Variants in CYP4X1 observed in about 807,000 individuals in gnomAD.
The protein encoded by CYP4X1 is cytochrome P450 family 4 subfamily X member 1.
A neutral mutation model predicts 57.9 loss-of-function variants in CYP4X1; 44 were observed. The ratio of observed to expected loss-of-function variants is 0.76; its 90% confidence interval spans 0.60 to 0.98. The LOEUF (loss-of-function observed/expected upper bound fraction) is 0.98. Ranked by LOEUF, CYP4X1 falls within the 50% of genes least tolerant of loss-of-function variation. The pLI is 0.00. For synonymous variants in CYP4X1, 227 were observed against 228.6 expected, an observed-to-expected ratio of 0.99 and a Z score of 0.06; for missense variants, 532 against 623.9, an observed-to-expected ratio of 0.85 and a Z score of 1.57.
chr1:46,973,227 AT>A, the CYP4X1 span, among the ~76,000 whole-genome samples: 7 of 152,246 alleles, frequency 4.6e-5, no homozygotes, highest in East Asian at 1.3e-3. Context: ...GATGAATCAC[AT>A]TTAATGGTTT....
At chr1:47,007,908 A>C in the CYP4X1 span, among the ~76,000 whole-genome samples, 4 of 152,236 alleles carry the variant, frequency 2.6e-5, no homozygotes, top group East Asian at 7.7e-4. Flanking sequence ...AGCCTCCAAG[A>C]AATATGGGAC....
chr1:46,978,513 C>T, the CYP4X1 span, among the ~76,000 whole-genome samples: 4 of 151,988 alleles, frequency 2.6e-5, no homozygotes, highest in African/African-American at 9.7e-5. Context: ...ACTTAGACTC[C>T]CACACAATAA....
intron 9 of CYP4X1, 134 bp from the exon 10 acceptor site, chr1:47,048,431 G>A: frequency 1.1e-6 from 1 of 929,556 alleles, no homozygotes; most frequent in Non-Finnish European, 1.8e-6. Context: ...CCTCACTGGT[G>A]TCATCAGCTA....
chr1:47,049,091 C>T (rs564373191), intron 10 of CYP4X1, among the ~76,000 whole-genome samples: 3 of 152,312 alleles, frequency 2.0e-5, no homozygotes, highest in Non-Finnish European at 2.9e-5. Flanking sequence ...GGGCCACATA[C>T]GGCTACTGAG....
chr1:47,051,031 T>C (rs1205487468), downstream of CYP4X1, among the ~76,000 whole-genome samples: 2 of 151,876 alleles, frequency 1.3e-5, no homozygotes, highest in Non-Finnish European at 2.9e-5. Flanking sequence ...CTCAAACAAA[T>C]GTACAAGAAA....
the CYP4X1 span, among the ~76,000 whole-genome samples, chr1:47,012,957 T>A: frequency 6.6e-6 from 1 of 152,112 alleles, no homozygotes; most frequent in Non-Finnish European, 1.5e-5. Context: ...ATTTAAACAT[T>A]TTTTTTCCTA....
the CYP4X1 span, among the ~76,000 whole-genome samples, chr1:47,011,983 T>C: frequency 2.0e-5 from 3 of 152,198 alleles, no homozygotes; most frequent in South Asian, 6.2e-4. Context: ...AGTTCAATCA[T>C]TGTGGAAGAC....
rs182540416 is a variant in CYP4X1, at chr1:47,047,419, C to G, written c.1207+819C>G. Among the ~76,000 whole-genome samples, 361 of 152,346 alleles carry G rather than the reference C, an allele frequency of 2.4e-3. 2 individuals are homozygous for G. Among genetic ancestry groups the G allele is most frequent in the Non-Finnish European group, 3.3e-3 (224 of 68,034 alleles). ...TTGCTGACAGACCCAGAATTAATTT[C>G]TGGAAGCTAGAATTATTTCTGGAAA... On this transcript the variant is annotated intron_variant, in intron 9 of 11. Transcript: ENST00000371901.
At chr1:47,030,163 T>G in intron 2 of CYP4X1, 32 bp downstream of exon 2, 3 of 1,588,500 alleles carry the variant, frequency 1.9e-6, no homozygotes, top group Non-Finnish European at 1.7e-6. Flanking sequence ...TGGGACCTAT[T>G]CCTCCTAGAA....
chr1:47,027,868 C>T (rs1644086883), intron 1 of CYP4X1, among the ~76,000 whole-genome samples: 1 of 152,088 alleles, frequency 6.6e-6, no homozygotes, highest in Admixed American at 6.5e-5. Flanking sequence ...TATCTTGGCC[C>T]TTATCACTCT....
chr1:46,973,597 A>G, the CYP4X1 span, among the ~76,000 whole-genome samples: 1 of 152,052 alleles, frequency 6.6e-6, no homozygotes, highest in African/African-American at 2.4e-5. Flanking sequence ...TTACTGATTC[A>G]ATTTAATACC....
the CYP4X1 span, among the ~76,000 whole-genome samples, chr1:46,988,544 A>G: frequency 1.3e-5 from 2 of 152,342 alleles, no homozygotes; most frequent in Non-Finnish European, 2.9e-5. Flanking sequence ...TGAGGCCAGT[A>G]TCATCGTAAT....
At chr1:47,024,720 T>C (rs1644043567) in intron 1 of CYP4X1, among the ~76,000 whole-genome samples, 1 of 152,118 alleles carries the variant, frequency 6.6e-6, no homozygotes, top group Non-Finnish European at 1.5e-5. Context: ...GGTGCTTTAC[T>C]AGAGGCCTAG....
chr1:47,040,177 G>A (rs1374517917), intron 8 of CYP4X1, among the ~76,000 whole-genome samples: 1 of 152,088 alleles, frequency 6.6e-6, no homozygotes, highest in Non-Finnish European at 1.5e-5. Flanking sequence ...GGCAATGATA[G>A]AGATATGTGC....
At position 47,025,147 on chromosome 1, in the gene CYP4X1, T is replaced by C. The variant is rs77025411; in HGVS notation, c.177+1153T>C. Among the ~76,000 whole-genome samples the C allele has an allele frequency of 8.7e-4, 132 of 152,140 alleles. 2 individuals carry two copies. In the East Asian group the frequency reaches 0.024, roughly 28 times the overall value. ...CCTCATGAATGTCTTGGTGCAGCTGTCTCCTTCATAAGTTCTCACTCTCTT... is the reference window on the plus strand; with the variant it reads ...CCTCATGAATGTCTTGGTGCAGCTGCCTCCTTCATAAGTTCTCACTCTCTT... On this transcript the variant is annotated intron_variant, in intron 1 of 11. Coordinates refer to ENST00000371901, the MANE Select transcript of CYP4X1 (RefSeq NM_178033.2).
At chr1:46,974,513 A>G in the CYP4X1 span, among the ~76,000 whole-genome samples, 27 of 152,232 alleles carry the variant, frequency 1.8e-4, no homozygotes, top group African/African-American at 6.5e-4. Flanking sequence ...TCTGTCCAAT[A>G]TCGGCAGTGG....
chr1:46,979,326 C>T, the CYP4X1 span, among the ~76,000 whole-genome samples: 2 of 152,082 alleles, frequency 1.3e-5, no homozygotes, highest in East Asian at 3.8e-4. Flanking sequence ...TACAAACTAC[C>T]GTCAGAGAAT....
At chr1:47,045,106 T>G (rs1488501914) in intron 8 of CYP4X1, among the ~76,000 whole-genome samples, 1 of 152,198 alleles carries the variant, frequency 6.6e-6, no homozygotes, top group South Asian at 2.1e-4. Flanking sequence ...ATTGCAGGTG[T>G]GAGCCACTGC....
chr1:47,011,662 G>C, the CYP4X1 span, among the ~76,000 whole-genome samples: 1 of 152,166 alleles, frequency 6.6e-6, no homozygotes, highest in African/African-American at 2.4e-5. Flanking sequence ...CTACCCATCT[G>C]GCAAATGGCT....
Sources: allele counts gnomAD v4.1 joint callset (sites outside exome capture counted in the v4.1 genomes callset), GRCh38; gene constraint gnomAD v4.1.1; transcripts MANE v1.5; gene names NCBI Gene and HGNC (gene_info 2026-07-23, HGNC 2026-07-21).